The following SMG1 variants were observed in gnomAD, a reference collection of about 807,000 sequenced individuals.
SMG1 encodes the protein serine/threonine-protein kinase SMG1.
Under a neutral mutation model 419.9 loss-of-function variants are expected in SMG1, and 22 were observed. The ratio of observed to expected loss-of-function variants is 0.05; its 90% CI spans 0.04 to 0.07. The LOEUF (loss-of-function observed/expected upper bound fraction) is 0.07, where lower values mean the gene tolerates loss of function less well. Ranked by LOEUF, SMG1 falls within the 10% of genes least tolerant of loss-of-function variation. SMG1 has a pLI of 1.00. For synonymous variants in SMG1, 1,538 were observed against 1,553.5 expected (o/e 0.99, Z 0.23); for missense variants, 3,185 against 4,342.0 (o/e 0.73, Z 7.49).
intron 50 of SMG1, 121 bp from the exon 51 acceptor site, chr16:18,833,287 G>T: frequency 1.6e-6 from 1 of 618,546 alleles, no homozygotes; most frequent in Non-Finnish European, 2.8e-6. Context: ...ACTCATTCAT[G>T]TAAGTACATC....
intron 1 of SMG1, among the ~76,000 whole-genome samples, chr16:18,904,777 A>T (rs2037493791): frequency 6.6e-6 from 1 of 151,814 alleles, no homozygotes. Flanking sequence ...TCAACTAAAA[A>T]TACAAATATC....
At chr16:18,897,719 G>A (rs1481156077) in intron 1 of SMG1, among the ~76,000 whole-genome samples, 5 of 152,134 alleles carry the variant, frequency 3.3e-5, no homozygotes, top group South Asian at 2.1e-4. Context: ...TCTGCTCTAC[G>A]CTTCAACTAC....
At chr16:18,833,496 A>T (rs2033348657) in intron 50 of SMG1, among the ~76,000 whole-genome samples, 1 of 152,018 alleles carries the variant, frequency 6.6e-6, no homozygotes, top group Admixed American at 6.6e-5. Context: ...TTTAGGAATC[A>T]TATTTCTGTA....
chr16:18,919,707 C>T (rs1436273484), intron 1 of SMG1, among the ~76,000 whole-genome samples: 2 of 146,930 alleles, frequency 1.4e-5, no homozygotes, highest in African/African-American at 5.1e-5. Flanking sequence ...CACAATCTCC[C>T]TAGAAGCATC....
intron 1 of SMG1, among the ~76,000 whole-genome samples, chr16:18,915,283 ATTCT>A (rs150402898): frequency 0.014 from 2,102 of 152,144 alleles, 54 homozygotes; most frequent in African/African-American, 0.048. Flanking sequence ...AAATTACCGT[ATTCT>A]TTCTTCTGTA....
intron 39 of SMG1, 138 bp from the exon 40 acceptor site, chr16:18,842,592 A>G: frequency 1.3e-6 from 1 of 757,220 alleles, no homozygotes; most frequent in South Asian, 1.8e-5. Flanking sequence ...TGGGAGGCCG[A>G]GGTAGGCAGA....
intron 41 of SMG1, 142 bp from the exon 42 acceptor site, chr16:18,840,088 A>G: frequency 1.5e-6 from 1 of 660,876 alleles, no homozygotes; most frequent in Non-Finnish European, 2.6e-6. Flanking sequence ...TCATGTATTA[A>G]TACAAAATAG....
chr16:18,900,441 T>C (rs534415338), intron 1 of SMG1, among the ~76,000 whole-genome samples: 3 of 152,280 alleles, frequency 2.0e-5, no homozygotes, highest in Non-Finnish European at 2.9e-5. Flanking sequence ...TGGTATCGCC[T>C]GACTAAATGT....
chr16:18,904,726 G>A (rs1453972285), intron 1 of SMG1, among the ~76,000 whole-genome samples: 1 of 151,808 alleles, frequency 6.6e-6, no homozygotes. Flanking sequence ...CATGACGTCA[G>A]GAGTTCAAGA....
chr16:18,914,966 G>A (rs1201705847), intron 1 of SMG1, among the ~76,000 whole-genome samples: 10 of 146,756 alleles, frequency 6.8e-5, no homozygotes, highest in African/African-American at 1.5e-4. Flanking sequence ...TTTCTGAGAC[G>A]GAGTTTTTTT....
Position 18,828,027 on chromosome 16 carries a change from A to G in SMG1, c.9741+4T>C, listed in dbSNP as rs752117820. On this transcript the variant is annotated splice_donor_region_variant and intron_variant, in intron 55 of 62. Transcript: ENST00000446231. ...CCCTGGAAGGAAGATCTGGCAAAAC[A>G]CACCTGAACTGTTGCAATAGAAGTT... The G allele has an allele frequency of 1.3e-5, 21 of 1,609,444 alleles. No individual in the cohort carries two copies. In the South Asian group the frequency reaches 2.0e-4, roughly 15 times the overall value.
At position 18,829,567 on chromosome 16, in the gene SMG1, T is replaced by C. The variant is rs2033016709; in HGVS notation, c.9322A>G (p.Ser3108Gly). 3 of 1,614,018 alleles carry C rather than the reference T, an allele frequency of 1.9e-6. No individual in the cohort carries two copies. Among genetic ancestry groups the C allele is most frequent in the East Asian group, 2.2e-5 (1 of 44,884 alleles). The change falls in exon 54 of 63, where the codon AGT (serine) becomes GGT (glycine). Residue 3108 changes from serine to glycine, a missense_variant. Physicochemically the swap from Ser to Gly is moderately conservative, Grantham distance 56. Around this residue, in one of 27 missense-constraint regions of SMG1, gnomAD observed 737 missense variants for 846.6 expected, o/e 0.87. Transcript: ENST00000446231. ...TCTACACCCAGAGCACTGATAAAAC[T>C]GCACAGTGTGAGTCCGAGGGCTTGG... Reference protein sequence around the residue: ...PNQALGLTLCSFISALGVDII... With the variant: ...PNQALGLTLCGFISALGVDII...
chr16:18,901,397 G>A (rs1455730193), intron 1 of SMG1, among the ~76,000 whole-genome samples: 1 of 151,998 alleles, frequency 6.6e-6, no homozygotes, highest in Admixed American at 6.6e-5. Flanking sequence ...GTTTTTTGTA[G>A]AGACAGGTGT....
chr16:18,834,620 A>G (rs59814239), intron 49 of SMG1, among the ~76,000 whole-genome samples, 182 bp from the exon 50 acceptor site: 7 of 152,296 alleles, frequency 4.6e-5, no homozygotes, highest in African/African-American at 1.7e-4. Flanking sequence ...CTACCAAAAA[A>G]TACAAAAATT....
intron 8 of SMG1, among the ~76,000 whole-genome samples, chr16:18,884,413 T>C (rs1462784822): frequency 6.6e-6 from 1 of 152,152 alleles, no homozygotes; most frequent in African/African-American, 2.4e-5. Flanking sequence ...TCCTTACTTT[T>C]TCAGTAAATT....
chr16:18,845,403 G>A (rs758502476), intron 39 of SMG1, 26 bp downstream of exon 39: 7 of 1,588,780 alleles, frequency 4.4e-6, no homozygotes, highest in Non-Finnish European at 6.0e-6. Context: ...TGCCATTTCA[G>A]TAGCATGCTT....
At chr16:18,886,899 T>C (rs977217937) in intron 6 of SMG1, among the ~76,000 whole-genome samples, 2 of 152,152 alleles carry the variant, frequency 1.3e-5, no homozygotes, top group Admixed American at 1.3e-4. Context: ...TTAAAAGACA[T>C]CTTAGGGGTA....
At chr16:18,899,005 C>T (rs748387104) in intron 1 of SMG1, among the ~76,000 whole-genome samples, 4 of 152,092 alleles carry the variant, frequency 2.6e-5, no homozygotes, top group African/African-American at 9.7e-5. Flanking sequence ...TGTTGTGAGG[C>T]TTAAATAAGA....
chr16:18,813,922 T>G (rs1596456362), intron 60 of SMG1, among the ~76,000 whole-genome samples: 1 of 149,250 alleles, frequency 6.7e-6, no homozygotes. Flanking sequence ...TTCCAGCTAC[T>G]GGGGAGGTTG....
Sources: allele counts gnomAD v4.1 joint callset (sites outside exome capture counted in the v4.1 genomes callset), GRCh38; gene constraint gnomAD v4.1.1; regional missense constraint gnomAD v4.1.1; transcripts MANE v1.5; gene names NCBI Gene and HGNC (gene_info 2026-07-23, HGNC 2026-07-21).